Variants in BAIAP3 observed in about 807,000 individuals in gnomAD.
BAIAP3 encodes BAI1 associated protein 3.
A neutral mutation model predicts 149.7 loss-of-function variants in BAIAP3; 180 were observed. The ratio of observed to expected loss-of-function variants is 1.20; its 90% confidence interval spans 1.07 to 1.36. The LOEUF (loss-of-function observed/expected upper bound fraction) is 1.36, where lower values mean the gene tolerates loss of function less well. Ranked by LOEUF, BAIAP3 falls within the 40% of genes most tolerant of loss-of-function variation. The pLI is 0.00. For synonymous variants in BAIAP3, 845 were observed against 670.7 expected, an observed-to-expected ratio of 1.26 and a Z score of -4.02; for missense variants, 1,767 against 1,563.4, an observed-to-expected ratio of 1.13 and a Z score of -2.20.
In BAIAP3 at chr16:1,345,799, G is replaced by A; in HGVS notation, c.2117G>A (p.Gly706Asp). 1.9e-6 allele frequency: 3 copies of A among 1,575,800 alleles called. No individual in the cohort carries two copies. The highest frequency in any genetic ancestry group is 2.3e-5 in the East Asian group (1 of 43,290). Reference protein sequence around the residue: ...SRHSSSAATAGLCLSHIQELW... With the variant: ...SRHSSSAATADLCLSHIQELW... The stretch of plus-strand genomic sequence containing the variant: ...CACAGCAGCTCCGCAGCCACTGCTG[G>A]TCTCTGCCTCAGCCACATCCAGGAG... The change falls in exon 23 of 34, where the codon GGT (glycine) becomes GAT (aspartate). Residue 706 changes from glycine to aspartate, a missense_variant. Physicochemically the swap from Gly to Asp is moderately conservative, Grantham distance 94 (BLOSUM62 -1). Coordinates refer to ENST00000426824, the MANE Select transcript of BAIAP3 (RefSeq NM_001199097.2).
rs1596574585 is a variant in BAIAP3 at position 1,342,748 on chromosome 16, A to G, written c.1095A>G (p.Arg365=). The G allele has an allele frequency of 6.2e-7, 1 of 1,612,464 alleles. No individual in the cohort carries two copies. The highest frequency in any genetic ancestry group is 2.2e-5 in the East Asian group (1 of 44,866). The part of the protein sequence containing the change: ...QRDTAMSQRG[R]SGFLSHLLLL... The stretch of plus-strand genomic sequence containing the variant: ...ATACGGCCATGAGCCAGCGCGGGCG[A>G]TCCGGCTTCCTGTCCCACCTGCTGC... Residue 365 remains arginine (R), a synonymous_variant, in exon 13 of 34, where the codon CGA becomes CGG. Coordinates refer to ENST00000426824, the MANE Select transcript of BAIAP3 (RefSeq NM_001199097.2).
chr16:1,342,628 T>G lies in BAIAP3; in HGVS notation c.1059T>G (p.Thr353=). The stretch of plus-strand genomic sequence containing the variant: ...GCCACCTGGTTCTCAAGCTGATCAC[T>G]ACGCAGGTGGGGAAAGTGGGCGTCC... ...GHCHLVLKLI[T]TQRDTAMSQR... is the part of the protein sequence containing the mutation. Residue 353 remains threonine (T), a synonymous_variant, in exon 12 of 34, where the codon ACT becomes ACG. Transcript: ENST00000426824. The G allele has an allele frequency of 6.3e-7, 1 of 1,584,970 alleles. No homozygotes were observed. Among genetic ancestry groups the G allele is most frequent in the Non-Finnish European group, 8.6e-7 (1 of 1,166,284 alleles).
Position 1,340,952 on chromosome 16 carries a change from G to A in BAIAP3, c.439G>A (p.Glu147Lys). ...TGGCACCAGCCTTGAGGAGCACACT[G>A]AGGCCATCGAGCGAGTGAGGAAGGC... Reference protein sequence around the residue: ...VFGTSLEEHTEAIERVRKAKA... With the variant: ...VFGTSLEEHTKAIERVRKAKA... Residue 147 changes from glutamate to lysine, a missense_variant, in exon 6 of 34, where the codon GAG becomes AAG. Physicochemically the swap from Glu to Lys is moderately conservative, Grantham distance 56 (BLOSUM62 1). Coordinates refer to ENST00000426824, the MANE Select transcript of BAIAP3 (RefSeq NM_001199097.2). The A allele has an allele frequency of 1.9e-6, 3 of 1,584,520 alleles. No individual in the cohort carries two copies. Among genetic ancestry groups the A allele is most frequent in the Non-Finnish European group, 2.6e-6 (3 of 1,165,870 alleles).
rs1171837461 is a variant in BAIAP3 at position 1,349,364 on chromosome 16, AGGCCC to A, written c.*883_*887del. The A allele has an allele frequency of 5.1e-6, 8 of 1,559,546 alleles. No homozygotes were observed. In the South Asian group the frequency reaches 8.9e-5, roughly 17 times the overall value. On this transcript the variant is annotated 3_prime_UTR_variant, in exon 34 of 34. Transcript: ENST00000426824. ...GCAGCCGCAAAGAGCCGAGGCTGCC[AGGCCC>A]ATTTATGTCCCTCATGTCTCTAGAT...
At chr16:1,334,694 C>CCCGCCAGGTGACCTGCACCTGGGCA in intron 1 of BAIAP3, 2 of 1,555,022 alleles carry the variant, frequency 1.3e-6, no homozygotes, top group South Asian at 2.4e-5. Context: ...TTGCAGCGGG[C>CCCGCCAGGTGACCTGCACCTGGGCA]CCGCCAGGTG....
chr16:1,337,549 A>G (rs1232283974), intron 1 of BAIAP3, among the ~76,000 whole-genome samples: 2 of 151,964 alleles, frequency 1.3e-5, no homozygotes, highest in Admixed American at 6.5e-5. Context: ...TCCAGCCTGG[A>G]CTCCATCTCA....
Position 1,342,247 on chromosome 16 carries a change from C to T in BAIAP3, c.921C>T (p.Thr307=), listed in dbSNP as rs145036461. Reference sequence around the variant, plus strand: ...CAGCAGGACCCACCGAGGACCACACCGATGACTTCCTGGGGTGCCTCAACA... The same window carrying T: ...CAGCAGGACCCACCGAGGACCACACTGATGACTTCCTGGGGTGCCTCAACA... ...NGTAGPTEDH[T]DDFLGCLNIP... is the part of the protein sequence containing the mutation. The change falls in exon 11 of 34, where the codon ACC becomes ACT. Residue 307 remains threonine, a synonymous_variant. Coordinates refer to ENST00000426824, the MANE Select transcript of BAIAP3 (RefSeq NM_001199097.2). 158 of 1,612,558 alleles carry T rather than the reference C, an allele frequency of 9.8e-5. 1 individual carries two copies. The African/African-American group carries it at 1.6e-3, about 16-fold the overall frequency.
intron 5 of BAIAP3, 95 bp from the exon 6 acceptor site, chr16:1,340,827 G>T (rs1412784860): frequency 7.5e-7 from 1 of 1,333,948 alleles, no homozygotes; most frequent in South Asian, 1.3e-5. Context: ...ACTGAGGTTG[G>T]GTGTCTGTGA....
intron 21 of BAIAP3, 50 bp downstream of exon 21, chr16:1,345,149 C>T (rs758379464): frequency 1.9e-6 from 3 of 1,611,274 alleles, no homozygotes; most frequent in South Asian, 1.1e-5. Flanking sequence ...GACCAGGGCC[C>T]CAGGACCTGT....
chr16:1,344,885 C>T (rs367651530), intron 20 of BAIAP3, 36 bp downstream of exon 20: 1 of 1,613,696 alleles, frequency 6.2e-7, no homozygotes, highest in East Asian at 2.2e-5. Flanking sequence ...GCCTGCCAGG[C>T]ATGGGGAAGT....
intron 29 of BAIAP3, 74 bp downstream of exon 29, chr16:1,347,443 G>T: frequency 1.3e-6 from 2 of 1,592,128 alleles, no homozygotes; most frequent in Non-Finnish European, 1.7e-6. Context: ...CACACGGGCT[G>T]TGTCCTTGAG....
chr16:1,339,458 G>A, intron 4 of BAIAP3, 38 bp from the exon 5 acceptor site: 1 of 1,577,796 alleles, frequency 6.3e-7, no homozygotes, highest in East Asian at 2.3e-5. Context: ...CTGGGGGCCT[G>A]GGACGCGGCA....
rs75025899 is a variant in BAIAP3 at position 1,349,097 on chromosome 16, G to A, written c.*615G>A. 6.7e-4 allele frequency: 248 copies of A among 368,094 alleles called. No individual in the cohort carries two copies. The highest frequency in any genetic ancestry group is 4.9e-3 in the African/African-American group (234 of 47,872). The allele number at this position is 368,094 out of a possible 1,614,324, so 22.8% of individuals were successfully genotyped here. On this transcript the variant is annotated 3_prime_UTR_variant, in exon 34 of 34. Transcript: ENST00000426824. ...ACCCAAGGCTGGTGGTCAGTGTGAA[G>A]GGCTCCGTGCCAACTGGTCAGCTGT...
rs555278409 is a variant in BAIAP3, at chr16:1,346,282, C to T, written c.2414C>T (p.Pro805Leu). 5 of 1,608,204 alleles carry T rather than the reference C, an allele frequency of 3.1e-6. No individual in the cohort carries two copies. Among genetic ancestry groups the T allele is most frequent in the Middle Eastern group, 1.7e-4 (1 of 6,048 alleles). The change falls in exon 25 of 34, where the codon CCT becomes CTT. Residue 805 changes from proline to leucine, a missense_variant. By Grantham distance (98) the Pro-to-Leu change is moderately conservative (BLOSUM62 -3). Transcript: ENST00000426824. ...GGGCCCGAGGGGGTGCTCCCCCGCC[C>T]TCTGCTCAGCTGCACACAGGCCCTG... ...ATGPEGVLPR[P>L]LLSCTQALDD...
Position 1,348,837 on chromosome 16 carries a change from T to A in BAIAP3, c.*355T>A. ...CGGTGGGCAGCTGGTCTCCAGGGACTCAGTGAGTGGCTGTGCTCTCTGCAC... is the reference window on the plus strand; with the variant it reads ...CGGTGGGCAGCTGGTCTCCAGGGACACAGTGAGTGGCTGTGCTCTCTGCAC... On this transcript the variant is annotated 3_prime_UTR_variant, in exon 34 of 34. Coordinates refer to ENST00000426824, the MANE Select transcript of BAIAP3 (RefSeq NM_001199097.2). 1 of 408,990 alleles carries A rather than the reference T, an allele frequency of 2.4e-6. No individual in the cohort carries two copies. The highest frequency in any genetic ancestry group is 4.5e-6 in the Non-Finnish European group (1 of 221,106). 25.3% of individuals were successfully genotyped at this position (408,990 alleles called of 1,614,324 possible). A position where few individuals can be genotyped will look rare whatever the true frequency, so the allele number is the denominator to read the frequency against.
chr16:1,342,719 A>G lies in BAIAP3; in HGVS notation c.1066A>G (p.Arg356Gly). The G allele has an allele frequency of 1.9e-6, 3 of 1,612,378 alleles. No individual in the cohort carries two copies. The highest frequency in any genetic ancestry group is 2.5e-6 in the Non-Finnish European group (3 of 1,179,974). ...TGACTGGGTGGGCTCTGCGTTGCAG[A>G]GGGATACGGCCATGAGCCAGCGCGG... ...HLVLKLITTQ[R>G]DTAMSQRGRS... Residue 356 changes from arginine (R) to glycine (G), a missense_variant and splice_region_variant, in exon 13 of 34, where the codon AGG becomes GGG. By Grantham distance (125) the Arg-to-Gly change is moderately radical (BLOSUM62 -2). Transcript: ENST00000426824.
chr16:1,347,894 G>A lies in BAIAP3; in HGVS notation c.3026G>A (p.Gly1009Asp). 1 of 1,611,554 alleles carries A rather than the reference G, an allele frequency of 6.2e-7. No individual in the cohort carries two copies. Among genetic ancestry groups the A allele is most frequent in the Non-Finnish European group, 8.5e-7 (1 of 1,179,866 alleles). The change falls in exon 32 of 34, where the codon GGC becomes GAC. Residue 1009 changes from glycine (G) to aspartate (D), a missense_variant and splice_region_variant. By Grantham distance (94) the Gly-to-Asp change is moderately conservative (BLOSUM62 -1). Transcript: ENST00000426824. ...AADLLPLDAN[G>D]LSDPFVIVEL... is the part of the protein sequence containing the mutation. ...GGGGCTCACGACTGTGCTCCTGCAG[G>A]CTTAAGTGACCCCTTTGTGATCGTG...
intron 1 of BAIAP3, chr16:1,336,107 T>C: frequency 1.6e-6 from 1 of 619,418 alleles, no homozygotes; most frequent in Non-Finnish European, 2.0e-6. Context: ...TGCGTCACAT[T>C]TGTCTCCAGG....
At chr16:1,334,581 T>C in intron 1 of BAIAP3, 1 of 1,379,312 alleles carries the variant, frequency 7.2e-7, no homozygotes, top group Non-Finnish European at 1.0e-6. Flanking sequence ...CGGCTGGACC[T>C]TGGCAGCCGT....
Sources: gnomAD v4.1 joint callset for allele counts (sites outside exome capture counted in the v4.1 genomes callset) on GRCh38, gnomAD v4.1.1 for gene constraint, MANE v1.5 for transcripts, NCBI Gene and HGNC (gene_info 2026-07-23, HGNC 2026-07-21) for gene names.